The following PRKAG2 variants were observed in gnomAD, a reference collection of about 807,000 sequenced individuals.
The protein encoded by PRKAG2 is 5'-AMP-activated protein kinase subunit gamma-2.
In PRKAG2, 26 loss-of-function variants were observed where a neutral mutation model predicts 69.6. That is an observed-to-expected ratio of 0.37 (90% CI 0.27 to 0.52). The LOEUF is 0.52. PRKAG2 is among the 20% of genes least tolerant of loss of function. The pLI, the probability that PRKAG2 is intolerant of heterozygous loss-of-function variation, is 0.90. For synonymous variants in PRKAG2, 293 were observed against 285.0 expected, an observed-to-expected ratio of 1.03 and a Z score of -0.28; for missense variants, 557 against 740.0, an observed-to-expected ratio of 0.75 and a Z score of 2.87.
At position 151,816,028 on chromosome 7, in the gene PRKAG2, T is replaced by C. The variant is rs990717080; in HGVS notation, c.115-29487A>G. Reference sequence around the variant, plus strand: ...CAAGGTGGAAAAAGATTAATGTGGATGACGTATTCAGGAAGGCTTCCTAGA... The same window carrying C: ...CAAGGTGGAAAAAGATTAATGTGGACGACGTATTCAGGAAGGCTTCCTAGA... On this transcript the variant is annotated intron_variant, in intron 1 of 15. Transcript: ENST00000287878. 1.2e-4 allele frequency among the ~76,000 whole-genome samples: 18 copies of C among 152,294 alleles called. No homozygotes were observed. The East Asian group carries it at 2.9e-3, about 25-fold the overall frequency.
chr7:151,814,557 G>T lies in PRKAG2; in HGVS notation c.115-28016C>A, dbSNP rs1021131400. On this transcript the variant is annotated intron_variant, in intron 1 of 15. Transcript: ENST00000287878. The surrounding 1 kb of genome is among the most constrained non-coding windows in gnomAD (Gnocchi z 4.8). The stretch of plus-strand genomic sequence containing the variant: ...ACAAATCCTGCTGCCTCACTCGAAA[G>T]GTCCATCAGAGAAGGGGTTTCCCAG... 3.6e-5 allele frequency: 44 copies of T among 1,231,570 alleles called. No individual in the cohort carries two copies. The highest frequency in any genetic ancestry group is 4.4e-5 in the Non-Finnish European group (43 of 987,988). 76.3% of individuals were successfully genotyped at this position (1,231,570 alleles called of 1,614,324 possible). A position where few individuals can be genotyped will look rare whatever the true frequency, so the allele number is the denominator to read the frequency against.
At chr7:151,705,623 A>G (rs1708750759) in intron 3 of PRKAG2, among the ~76,000 whole-genome samples, 1 of 152,172 alleles carries the variant, frequency 6.6e-6, no homozygotes, top group South Asian at 2.1e-4. Flanking sequence ...AAAGGCCCAT[A>G]AAGAAAGCAA....
chr7:151,785,463 T>C (rs1332323801), intron 2 of PRKAG2, among the ~76,000 whole-genome samples: 1 of 152,216 alleles, frequency 6.6e-6, no homozygotes, highest in Non-Finnish European at 1.5e-5. Context: ...GAGCTGCTAA[T>C]AAGGTTGCTT....
At chr7:151,720,470 T>G (rs186638376) in intron 3 of PRKAG2, among the ~76,000 whole-genome samples, 17 of 151,872 alleles carry the variant, frequency 1.1e-4, no homozygotes, top group Admixed American at 2.0e-4. Context: ...GTGTTCTTAC[T>G]GCTATTTGTG....
At chr7:151,822,050 G>C (rs1365551567) in intron 1 of PRKAG2, among the ~76,000 whole-genome samples, 1 of 152,236 alleles carries the variant, frequency 6.6e-6, no homozygotes, top group Non-Finnish European at 1.5e-5. Flanking sequence ...TCAGGTGTCA[G>C]AGAAGCCCAT....
chr7:151,827,761 A>AAAAAAC (rs2078937779), intron 1 of PRKAG2, among the ~76,000 whole-genome samples: 2 of 149,594 alleles, frequency 1.3e-5, no homozygotes, highest in African/African-American at 2.4e-5. Context: ...AAAAAAAAAA[A>AAAAAAC]AAAAAAAAAA....
intron 2 of PRKAG2, among the ~76,000 whole-genome samples, chr7:151,782,923 G>A (rs929440253): frequency 2.0e-5 from 3 of 152,216 alleles, no homozygotes; most frequent in African/African-American, 4.8e-5. Context: ...CGTCCGCAGC[G>A]CTCGCGGGGA....
rs2073506071 is a variant in PRKAG2, at chr7:151,737,350, A to AAC, written c.466+43801_466+43802insGT. On this transcript the variant is annotated intron_variant, in intron 3 of 15. Coordinates refer to ENST00000287878, the MANE Select transcript of PRKAG2 (RefSeq NM_016203.4). ...GTGAGACCCCCATCTCTATTAAAAA[A>AAC]AAAAAAAGAGAGATTTAGCCTAGTT... is the stretch of plus-strand genomic sequence containing the variant. Among the ~76,000 whole-genome samples the AAC allele has an allele frequency of 1.3e-5, 2 of 151,318 alleles. 1 individual carries two copies. The highest frequency in any genetic ancestry group is 4.2e-4 in the South Asian group (2 of 4,786).
At chr7:151,580,958 A>G (rs548376628) in intron 6 of PRKAG2, among the ~76,000 whole-genome samples, 50 of 152,232 alleles carry the variant, frequency 3.3e-4, no homozygotes, top group Non-Finnish European at 6.9e-4. Flanking sequence ...ATTGGGATGT[A>G]TGTAATGTAA....
At chr7:151,566,025 C>G in intron 11 of PRKAG2, 140 bp from the exon 12 acceptor site, 1 of 930,378 alleles carries the variant, frequency 1.1e-6, no homozygotes, top group Non-Finnish European at 1.7e-6. Context: ...CCTGAATTAA[C>G]ATGAGAAAAT....
At chr7:151,809,703 G>C (rs58775134) in intron 1 of PRKAG2, 2 of 160,326 alleles carry the variant, frequency 1.2e-5, no homozygotes, top group Non-Finnish European at 2.7e-5. Context: ...AAGTTGTGGC[G>C]GGAAGGCCTT....
intron 1 of PRKAG2, among the ~76,000 whole-genome samples, chr7:151,812,932 G>A (rs1472382081): frequency 1.5e-4 from 3 of 20,532 alleles, no homozygotes; most frequent in African/African-American, 5.6e-4. Context: ...CTACTGCTGG[G>A]CTGAAAAAAA....
chr7:151,657,064 G>A (rs1829538425), intron 4 of PRKAG2, among the ~76,000 whole-genome samples: 1 of 152,006 alleles, frequency 6.6e-6, no homozygotes, highest in South Asian at 2.1e-4. Context: ...TTGAACCTGG[G>A]AGGCGGAGGT....
intron 1 of PRKAG2, among the ~76,000 whole-genome samples, chr7:151,831,311 A>C (rs2151875344): frequency 6.6e-6 from 1 of 152,356 alleles, no homozygotes; most frequent in East Asian, 1.9e-4. Flanking sequence ...CATTATTCAT[A>C]ATAGCCAAAA....
chr7:151,861,082 C>T (rs550693725), intron 1 of PRKAG2, among the ~76,000 whole-genome samples: 26 of 152,348 alleles, frequency 1.7e-4, no homozygotes, highest in African/African-American at 6.3e-4. Context: ...GGCTCAGTAC[C>T]TTCAGCCCTG....
intron 3 of PRKAG2, among the ~76,000 whole-genome samples, chr7:151,689,806 T>A (rs10274589): frequency 0.21 from 32,392 of 152,096 alleles, 3,914 homozygotes; most frequent in African/African-American, 0.33. Context: ...TGAGACGGGT[T>A]GGGGAGGCTG....
At chr7:151,779,553 C>T (rs758027744) in intron 3 of PRKAG2, among the ~76,000 whole-genome samples, 2 of 152,206 alleles carry the variant, frequency 1.3e-5, no homozygotes, top group Non-Finnish European at 2.9e-5. Context: ...GGCACCCTTC[C>T]GATCATCAGG....
At chr7:151,559,175 C>A in intron 15 of PRKAG2, 1 of 982,550 alleles carries the variant, frequency 1.0e-6, no homozygotes, top group Non-Finnish European at 1.2e-6. Flanking sequence ...GAGCCTGGCT[C>A]CCTCTGTTCA....
intron 3 of PRKAG2, among the ~76,000 whole-genome samples, chr7:151,747,489 G>A (rs1045207515): frequency 1.3e-5 from 2 of 152,084 alleles, no homozygotes; most frequent in Admixed American, 6.5e-5. Context: ...CCTGGAAGGC[G>A]GGGTTTGTAG....
Sources: gnomAD v4.1 joint callset for allele counts (sites outside exome capture counted in the v4.1 genomes callset) on GRCh38, gnomAD v4.1.1 for gene constraint, Gnocchi (gnomAD v3.1) non-coding constraint, MANE v1.5 for transcripts, NCBI Gene and HGNC (gene_info 2026-07-23, HGNC 2026-07-21) for gene names.